AGBL1: variants seen among roughly 807,000 people sequenced by gnomAD.
AGBL1 encodes the protein AGBL carboxypeptidase 1.
A neutral mutation model predicts 118.9 loss-of-function variants in AGBL1; 130 were observed. That is an observed-to-expected ratio of 1.09 (90% CI 0.95 to 1.26). The LOEUF is 1.26. AGBL1 is among the 50% of genes most tolerant of loss of function. AGBL1 has a pLI of 0.00. For synonymous variants in AGBL1, 555 were observed against 478.9 expected, an observed-to-expected ratio of 1.16 and a Z score of -2.08; for missense variants, 1,584 against 1,298.1, an observed-to-expected ratio of 1.22 and a Z score of -3.38.
intron 1 of AGBL1, among the ~76,000 whole-genome samples, chr15:86,137,725 G>T (rs1342876851): frequency 5.9e-5 from 9 of 152,044 alleles, no homozygotes; most frequent in Admixed American, 5.9e-4. Context: ...AAAAAGCTTA[G>T]AGGAGATGAA....
chr15:86,342,362 A>C (rs1183452997), intron 17 of AGBL1, among the ~76,000 whole-genome samples: 1 of 152,172 alleles, frequency 6.6e-6, no homozygotes, highest in Non-Finnish European at 1.5e-5. Flanking sequence ...TATATTTCCT[A>C]CTTCTTTCTT....
At chr15:86,435,360 A>G (rs1426818999) in intron 18 of AGBL1, among the ~76,000 whole-genome samples, 1 of 152,220 alleles carries the variant, frequency 6.6e-6, no homozygotes, top group Admixed American at 6.5e-5. Flanking sequence ...ATATTCCACT[A>G]AGTATTGTGA....
intron 5 of AGBL1, among the ~76,000 whole-genome samples, chr15:86,215,709 A>G (rs1052538997): frequency 3.9e-5 from 6 of 152,222 alleles, no homozygotes. Context: ...TAACTGAGCT[A>G]GTATTTTCTC....
At position 86,908,967 on chromosome 15, in the gene AGBL1, G is replaced by T. The variant is rs535278722; in HGVS notation, c.*1673G>T. On this transcript the variant is annotated 3_prime_UTR_variant, in exon 23 of 23. Transcript: ENST00000614907. ...AGTGTCATGGCTGCATGGTGTCAGA[G>T]ACCTGGCTTCTGCAGTTTTCTGGCT... 2.0e-5 allele frequency: 3 copies of T among 152,220 alleles called. No homozygotes were observed. The highest frequency in any genetic ancestry group is 7.2e-5 in the African/African-American group (3 of 41,454). 9.4% of individuals were successfully genotyped at this position (152,220 alleles called of 1,614,324 possible).
At chr15:86,227,573 C>G (rs1251890740) in intron 6 of AGBL1, among the ~76,000 whole-genome samples, 2 of 152,242 alleles carry the variant, frequency 1.3e-5, no homozygotes, top group Non-Finnish European at 2.9e-5. Flanking sequence ...GCCAAATATC[C>G]CCCATGGGGG....
chr15:86,562,592 G>A (rs1209339407), intron 21 of AGBL1, among the ~76,000 whole-genome samples: 3 of 152,180 alleles, frequency 2.0e-5, no homozygotes, highest in East Asian at 1.9e-4. Context: ...AGGGATATTG[G>A]TCTAAAATTC....
At chr15:86,470,916 T>C (rs1567010318) in intron 18 of AGBL1, among the ~76,000 whole-genome samples, 1 of 152,140 alleles carries the variant, frequency 6.6e-6, no homozygotes, top group African/African-American at 2.4e-5. Context: ...GTTCCAACAG[T>C]GTTTTGGTGG....
At chr15:86,841,406 G>C (rs1430590100) in intron 22 of AGBL1, among the ~76,000 whole-genome samples, 1 of 152,166 alleles carries the variant, frequency 6.6e-6, no homozygotes, top group Non-Finnish European at 1.5e-5. Flanking sequence ...GCCAAATACA[G>C]GTAAGAATTG....
intron 18 of AGBL1, among the ~76,000 whole-genome samples, chr15:86,474,279 T>C (rs1188192852): frequency 6.6e-6 from 1 of 152,144 alleles, no homozygotes; most frequent in Non-Finnish European, 1.5e-5. Flanking sequence ...GGGCAAGGCA[T>C]TGCCTCATCC....
intron 21 of AGBL1, among the ~76,000 whole-genome samples, chr15:86,646,729 TAGTC>T (rs1268361031): frequency 3.3e-5 from 5 of 152,332 alleles, no homozygotes; most frequent in East Asian, 1.9e-4. Flanking sequence ...ATTTTGCCAT[TAGTC>T]AGTCCTATGA....
intron 1 of AGBL1, among the ~76,000 whole-genome samples, chr15:86,119,650 G>C (rs1035026268): frequency 3.9e-5 from 5 of 129,666 alleles, no homozygotes; most frequent in African/African-American, 1.6e-4. Context: ...TCTCAGAAAA[G>C]TAGTTTGTGT....
intron 17 of AGBL1, among the ~76,000 whole-genome samples, chr15:86,320,077 A>C (rs2080081363): frequency 6.6e-6 from 1 of 152,046 alleles, no homozygotes; most frequent in Non-Finnish European, 1.5e-5. Context: ...TATTTTAACT[A>C]TTCTTGGCCT....
intron 16 of AGBL1, among the ~76,000 whole-genome samples, chr15:86,284,199 A>C (rs1190765635): frequency 1.3e-5 from 2 of 151,234 alleles, no homozygotes; most frequent in Non-Finnish European, 2.9e-5. Context: ...AATAAAAAAA[A>C]AAAAACAAAT....
intron 5 of AGBL1, among the ~76,000 whole-genome samples, chr15:86,170,366 A>G (rs757017975): frequency 6.6e-6 from 1 of 152,186 alleles, no homozygotes; most frequent in Non-Finnish European, 1.5e-5. Context: ...CTATGGGACA[A>G]CTTCAAGCAG....
chr15:86,942,199 G>A (rs1235303459), intron 23 of AGBL1, among the ~76,000 whole-genome samples: 1 of 152,144 alleles, frequency 6.6e-6, no homozygotes, highest in South Asian at 2.1e-4. Context: ...TAGGATAACT[G>A]TAGTAAATAC....
chr15:86,569,426 G>C (rs75783324), intron 21 of AGBL1, among the ~76,000 whole-genome samples: 1 of 135,406 alleles, frequency 7.4e-6, no homozygotes. Context: ...AAAAAAAAAA[G>C]AGAGAAATCC....
At chr15:86,708,053 C>T (rs2086484468) in intron 22 of AGBL1, among the ~76,000 whole-genome samples, 1 of 152,124 alleles carries the variant, frequency 6.6e-6, no homozygotes, top group South Asian at 2.1e-4. Flanking sequence ...GTAGCTACTG[C>T]TTGACAATTG....
chr15:86,857,725 C>A (rs1003725568), intron 22 of AGBL1, among the ~76,000 whole-genome samples: 1 of 152,180 alleles, frequency 6.6e-6, no homozygotes, highest in Non-Finnish European at 1.5e-5. Flanking sequence ...TGCAGGAGGG[C>A]AAGGACGGTG....
At chr15:86,826,410 G>A (rs757221208) in intron 22 of AGBL1, among the ~76,000 whole-genome samples, 1 of 152,032 alleles carries the variant, frequency 6.6e-6, no homozygotes, top group Non-Finnish European at 1.5e-5. Context: ...TATTAGAATT[G>A]ATTTATTACA....
Sources: allele counts gnomAD v4.1 joint callset (sites outside exome capture counted in the v4.1 genomes callset), GRCh38; gene constraint gnomAD v4.1.1; transcripts MANE v1.5; gene names NCBI Gene and HGNC (gene_info 2026-07-23, HGNC 2026-07-21).